The following P2RY14 variants were observed in gnomAD, a reference collection of about 807,000 sequenced individuals.
The protein encoded by P2RY14 is P2Y purinoceptor 14.
In P2RY14, 2 loss-of-function variants were observed where a neutral mutation model predicts 0.9. The observed-to-expected ratio is 2.16, with a 90% CI of 0.88 to 6.79. The LOEUF (loss-of-function observed/expected upper bound fraction) is 6.79. P2RY14 is among the 30% of genes most tolerant of loss of function. The probability of loss-of-function intolerance (pLI) is 0.05; values close to 1 mark genes in which losing one functional copy is unlikely to be tolerated. For synonymous variants in P2RY14, 158 were observed against 147.2 expected (o/e 1.07, Z -0.53); for missense variants, 378 against 400.1 (o/e 0.94, Z 0.47).
intron 1 of P2RY14, among the ~76,000 whole-genome samples, chr3:151,269,278 T>C (rs879873827): frequency 6.6e-6 from 1 of 152,098 alleles, no homozygotes; most frequent in Non-Finnish European, 1.5e-5. Context: ...TGCATGCCTG[T>C]AATCCCAGCT....
intron 1 of P2RY14, among the ~76,000 whole-genome samples, chr3:151,274,542 A>G (rs1475549997): frequency 3.9e-5 from 6 of 152,220 alleles, no homozygotes; most frequent in African/African-American, 1.2e-4. Flanking sequence ...CTCCTAGGAC[A>G]TTTAACTGAA....
chr3:151,263,130 T>C (rs180761723), intron 1 of P2RY14, among the ~76,000 whole-genome samples: 21 of 152,186 alleles, frequency 1.4e-4, no homozygotes, highest in African/African-American at 4.8e-4. Context: ...ATGGGCGAAG[T>C]GGGTGCAGAG....
At chr3:151,227,864 G>GTGTA (rs759658120) in intron 1 of P2RY14, among the ~76,000 whole-genome samples, 42 of 152,304 alleles carry the variant, frequency 2.8e-4, no homozygotes, top group Admixed American at 8.5e-4. Context: ...AGGCTGTCTT[G>GTGTA]TGTATTGTTG....
At chr3:151,230,232 C>T (rs983090189) in intron 1 of P2RY14, among the ~76,000 whole-genome samples, 7 of 152,202 alleles carry the variant, frequency 4.6e-5, no homozygotes, top group Non-Finnish European at 1.0e-4. Context: ...TCTCGGCCTC[C>T]TAAAGTGCTG....
intron 2 of P2RY14, among the ~76,000 whole-genome samples, chr3:151,214,631 T>C (rs902160063): frequency 1.5e-5 from 2 of 135,810 alleles, no homozygotes; most frequent in African/African-American, 6.8e-5. Flanking sequence ...TCCTTCTTCC[T>C]TTTTTTTGGG....
chr3:151,236,324 A>G (rs1422825274), intron 1 of P2RY14, among the ~76,000 whole-genome samples: 3 of 152,244 alleles, frequency 2.0e-5, no homozygotes, highest in Non-Finnish European at 4.4e-5. Flanking sequence ...CAATGTGCAT[A>G]GTAGATTAAC....
At chr3:151,258,437 A>G (rs1233108932) in intron 1 of P2RY14, among the ~76,000 whole-genome samples, 1 of 152,206 alleles carries the variant, frequency 6.6e-6, no homozygotes, top group Admixed American at 6.5e-5. Flanking sequence ...AGACTGATTC[A>G]TGAAATGCTA....
chr3:151,237,924 CTTCTT>C (rs1733250983), intron 1 of P2RY14, among the ~76,000 whole-genome samples: 1 of 152,068 alleles, frequency 6.6e-6, no homozygotes, highest in African/African-American at 2.4e-5. Context: ...GATTTGTAGA[CTTCTT>C]TGAATATTGT....
rs889441766 is a variant in P2RY14 at position 151,214,129 on chromosome 3, A to T, written c.188T>A (p.Ile63Asn). The part of the protein sequence containing the change: ...SKSFIIYLKN[I>N]VIADFVMSLT... ...GCTCATCACAAAGTCAGCAATAACA[A>T]TGTTCTTGAGATAGATGATGAAACT... Residue 63 changes from isoleucine (I) to asparagine (N), a missense_variant, in exon 3 of 3, where the codon ATT becomes AAT. Transcript: ENST00000309170. 1 of 1,614,010 alleles carries T rather than the reference A, an allele frequency of 6.2e-7. No homozygotes were observed. Among genetic ancestry groups the T allele is most frequent in the African/African-American group, 1.3e-5 (1 of 75,044 alleles).
At chr3:151,221,750 A>G (rs1303571873) in intron 1 of P2RY14, among the ~76,000 whole-genome samples, 1 of 152,234 alleles carries the variant, frequency 6.6e-6, no homozygotes, top group Non-Finnish European at 1.5e-5. Context: ...CTGCAGGGGC[A>G]GGGCTCTCAT....
chr3:151,231,252 C>G (rs1461787031), intron 1 of P2RY14, among the ~76,000 whole-genome samples: 1 of 152,204 alleles, frequency 6.6e-6, no homozygotes, highest in African/African-American at 2.4e-5. Flanking sequence ...ATTTTGCAAC[C>G]TCAGTGTGAT....
At chr3:151,248,140 C>T (rs1736106288) in intron 1 of P2RY14, among the ~76,000 whole-genome samples, 1 of 151,786 alleles carries the variant, frequency 6.6e-6, no homozygotes, top group African/African-American at 2.4e-5. Flanking sequence ...ACAAAAAATG[C>T]TATGAATGTT....
chr3:151,235,719 ATAAG>A (rs1449554666), intron 1 of P2RY14, among the ~76,000 whole-genome samples: 3 of 107,476 alleles, frequency 2.8e-5, no homozygotes, highest in South Asian at 3.2e-4. Flanking sequence ...AAATAAATAA[ATAAG>A]TAAAAGCAAC....
At chr3:151,273,210 A>G (rs571686876) in intron 1 of P2RY14, among the ~76,000 whole-genome samples, 1 of 151,368 alleles carries the variant, frequency 6.6e-6, no homozygotes, top group East Asian at 1.9e-4. Flanking sequence ...AATGACAGCA[A>G]TAAACATTGT....
intron 1 of P2RY14, among the ~76,000 whole-genome samples, chr3:151,276,249 C>T (rs1741835113): frequency 6.6e-6 from 1 of 152,148 alleles, no homozygotes; most frequent in South Asian, 2.1e-4. Context: ...GGTTTGGGGT[C>T]AATAATTTGC....
At chr3:151,266,666 A>G (rs969038837) in intron 1 of P2RY14, among the ~76,000 whole-genome samples, 2 of 152,204 alleles carry the variant, frequency 1.3e-5, no homozygotes, top group Admixed American at 1.3e-4. Context: ...AAGTGATATG[A>G]ACATATCAGT....
At chr3:151,216,140 A>G (rs1185141429) in intron 2 of P2RY14, among the ~76,000 whole-genome samples, 1 of 152,064 alleles carries the variant, frequency 6.6e-6, no homozygotes, top group Admixed American at 6.5e-5. Context: ...AGATCATGTC[A>G]TTTTTTTACT....
rs568293558 is a variant in P2RY14, at chr3:151,230,807, A to AC, written c.-132-11166dup. Among the ~76,000 whole-genome samples the AC allele has an allele frequency of 2.7e-3, 416 of 151,948 alleles. 1 individual carries two copies. The highest frequency in any genetic ancestry group is 9.4e-3 in the African/African-American group (390 of 41,424). ...GCCATTTTTAAATAACAAAAGTGAA[A>AC]CCCCCCTGCCAATGCAGAAGTAGTG... is the stretch of plus-strand genomic sequence containing the variant. On this transcript the variant is annotated intron_variant, in intron 1 of 2. Transcript: ENST00000309170.
chr3:151,247,123 G>A (rs1735723975), intron 1 of P2RY14, among the ~76,000 whole-genome samples: 1 of 152,272 alleles, frequency 6.6e-6, no homozygotes, highest in South Asian at 2.1e-4. Flanking sequence ...ACAGGTGCTG[G>A]AGAGGATGTG....
Sources: allele counts gnomAD v4.1 joint callset (sites outside exome capture counted in the v4.1 genomes callset), GRCh38; gene constraint gnomAD v4.1.1; transcripts MANE v1.5; gene names NCBI Gene and HGNC (gene_info 2026-07-23, HGNC 2026-07-21).